MGAT4C: variants seen among roughly 807,000 people sequenced by gnomAD.
MGAT4C encodes alpha-1,3-mannosyl-glycoprotein 4-beta-N-acetylglucosaminyltransferase C.
A neutral mutation model predicts 40.1 loss-of-function variants in MGAT4C; 19 were observed. The observed-to-expected ratio is 0.47, with a 90% CI of 0.33 to 0.70. The LOEUF is 0.70. MGAT4C is among the 30% of genes least tolerant of loss of function. The probability of loss-of-function intolerance (pLI) is 0.02; values close to 1 mark genes in which losing one functional copy is unlikely to be tolerated. For missense variants in MGAT4C, 491 were observed against 563.2 expected (o/e 0.87, Z 1.30); for synonymous variants, 181 against 187.1 (o/e 0.97, Z 0.27).
rs914502542 is a variant in MGAT4C, at chr12:86,306,080, T to C, written c.-57+27985A>G. On this transcript the variant is annotated intron_variant, in intron 4 of 7. Transcript: ENST00000548651. ...AATTCATATTGATTAGGTAAGAAAG[T>C]CTAATTTCCAAATTAGAACTTGATA... Among the ~76,000 whole-genome samples the C allele has an allele frequency of 7.3e-5, 11 of 150,540 alleles. 1 individual carries two copies. The highest frequency in any genetic ancestry group is 2.8e-4 in the African/African-American group (11 of 39,978).
At chr12:86,521,767 CT>C (rs1476426618) in intron 2 of MGAT4C, among the ~76,000 whole-genome samples, 2 of 151,882 alleles carry the variant, frequency 1.3e-5, no homozygotes, top group African/African-American at 4.8e-5. Context: ...GTTGTCATTC[CT>C]TTTTTTCCTT....
chr12:86,247,958 G>T (rs1317653745), intron 1 of MGAT4C, among the ~76,000 whole-genome samples: 3 of 151,916 alleles, frequency 2.0e-5, no homozygotes, highest in Non-Finnish European at 4.4e-5. Flanking sequence ...TCTACCCTCA[G>T]CACCATCTTT....
At chr12:86,042,679 C>T (rs778235988) in intron 2 of MGAT4C, among the ~76,000 whole-genome samples, 11 of 151,700 alleles carry the variant, frequency 7.3e-5, no homozygotes, top group Non-Finnish European at 1.2e-4. Context: ...TCCTGGCTAA[C>T]ACGGTGAAAC....
intron 2 of MGAT4C, among the ~76,000 whole-genome samples, chr12:86,558,026 A>G (rs954120145): frequency 2.0e-5 from 3 of 152,076 alleles, no homozygotes; most frequent in Non-Finnish European, 4.4e-5. Flanking sequence ...TGTAATAAAA[A>G]GCAACCAAAT....
At chr12:86,580,855 A>T (rs935038941) in intron 2 of MGAT4C, among the ~76,000 whole-genome samples, 2 of 151,474 alleles carry the variant, frequency 1.3e-5, no homozygotes, top group African/African-American at 4.8e-5. Flanking sequence ...TTTAAGAGCA[A>T]AAAAGGGTAA....
At chr12:86,620,462 A>G (rs1360777508) in intron 2 of MGAT4C, among the ~76,000 whole-genome samples, 1 of 152,196 alleles carries the variant, frequency 6.6e-6, no homozygotes, top group African/African-American at 2.4e-5. Flanking sequence ...ATAATTTAGA[A>G]ACTGATTACC....
intron 1 of MGAT4C, among the ~76,000 whole-genome samples, chr12:86,253,214 GCAA>G (rs1253114360): frequency 6.6e-6 from 1 of 151,732 alleles, no homozygotes; most frequent in African/African-American, 2.4e-5. Context: ...AATAATATGT[GCAA>G]CAACAAGAAT....
intron 4 of MGAT4C, among the ~76,000 whole-genome samples, chr12:86,283,004 A>G (rs750881767): frequency 1.3e-5 from 2 of 152,072 alleles, no homozygotes; most frequent in Non-Finnish European, 2.9e-5. Flanking sequence ...CATCTTGGGC[A>G]TGTGCAACTC....
At chr12:86,610,054 G>C (rs1357435687) in intron 2 of MGAT4C, among the ~76,000 whole-genome samples, 1 of 152,040 alleles carries the variant, frequency 6.6e-6, no homozygotes, top group African/African-American at 2.4e-5. Flanking sequence ...AAAATTTTTT[G>C]AACTATTTAA....
At chr12:86,264,043 T>G (rs780076415) in intron 4 of MGAT4C, among the ~76,000 whole-genome samples, 2 of 152,038 alleles carry the variant, frequency 1.3e-5, no homozygotes, top group Middle Eastern at 3.4e-3. Flanking sequence ...GGGGTTGTTG[T>G]TGGTGGGTTA....
chr12:86,705,813 T>G (rs929645037), intron 2 of MGAT4C, among the ~76,000 whole-genome samples: 1 of 152,134 alleles, frequency 6.6e-6, no homozygotes, highest in Non-Finnish European at 1.5e-5. Flanking sequence ...AAGATCATAC[T>G]AAGTATTACA....
intron 2 of MGAT4C, among the ~76,000 whole-genome samples, chr12:86,591,675 C>A (rs1318148881): frequency 1.3e-5 from 2 of 151,362 alleles, no homozygotes; most frequent in East Asian, 3.9e-4. Flanking sequence ...ATATTTATAC[C>A]TTTAGTTCAA....
chr12:86,294,440 C>T (rs537825904), intron 4 of MGAT4C, among the ~76,000 whole-genome samples: 4 of 152,022 alleles, frequency 2.6e-5, no homozygotes, highest in South Asian at 4.1e-4. Flanking sequence ...TATTATCTTC[C>T]TGTCTAGCAC....
chr12:86,776,501 T>TA (rs1951750781), intron 1 of MGAT4C, among the ~76,000 whole-genome samples: 1 of 151,996 alleles, frequency 6.6e-6, no homozygotes, highest in South Asian at 2.1e-4. Context: ...AAATAAAACT[T>TA]ACTCAAATAT....
At chr12:86,798,005 A>G (rs185413949) in intron 1 of MGAT4C, among the ~76,000 whole-genome samples, 1 of 151,920 alleles carries the variant, frequency 6.6e-6, no homozygotes, top group Non-Finnish European at 1.5e-5. Context: ...AACTGTGTAC[A>G]CCTACTTACA....
Position 86,355,013 on chromosome 12 carries a change from C to T in MGAT4C, c.-119-20886G>A, listed in dbSNP as rs796280872. 7.9e-5 allele frequency among the ~76,000 whole-genome samples: 12 copies of T among 152,292 alleles called. 1 individual carries two copies. Among genetic ancestry groups the T allele is most frequent in the East Asian group, 5.8e-4 (3 of 5,174 alleles). ...TCCCTTATTTGTTCTCGCCCTTGTC[C>T]TACTGATTGGTCCATCTTACAGAGT... On this transcript the variant is annotated intron_variant, in intron 3 of 7. Coordinates refer to the MGAT4C transcript ENST00000548651.
intron 1 of MGAT4C, among the ~76,000 whole-genome samples, chr12:86,832,810 A>T (rs1952958465): frequency 6.6e-6 from 1 of 151,808 alleles, no homozygotes; most frequent in Admixed American, 6.6e-5. Context: ...TGATTTCCAC[A>T]TTAGTAAAAT....
At chr12:86,522,076 A>G (rs1431669087) in intron 2 of MGAT4C, among the ~76,000 whole-genome samples, 1 of 151,958 alleles carries the variant, frequency 6.6e-6, no homozygotes, top group Non-Finnish European at 1.5e-5. Context: ...CCTCTTTTCC[A>G]ATTTGGATGC....
At chr12:86,250,503 G>T (rs946387167) in intron 1 of MGAT4C, among the ~76,000 whole-genome samples, 11 of 89,978 alleles carry the variant, frequency 1.2e-4, no homozygotes, top group Admixed American at 1.0e-3. Flanking sequence ...ACAATGGACT[G>T]TTGAAAAGCA....
Sources: allele counts gnomAD v4.1 joint callset (sites outside exome capture counted in the v4.1 genomes callset), GRCh38; gene constraint gnomAD v4.1.1; transcripts MANE v1.5; gene names NCBI Gene and HGNC (gene_info 2026-07-23, HGNC 2026-07-21).